OLFM1: variants seen among roughly 807,000 people sequenced by gnomAD.
OLFM1 encodes the protein olfactomedin 1, also known as noelin.
OLFM1 carries 9 observed loss-of-function variants against 49.7 expected under a neutral mutation model. The ratio of observed to expected loss-of-function variants is 0.18; its 90% CI spans 0.11 to 0.32. The LOEUF (loss-of-function observed/expected upper bound fraction) is 0.32. OLFM1 is among the 10% of genes least tolerant of loss of function. The pLI, the probability that OLFM1 is intolerant of heterozygous loss-of-function variation, is 1.00. For missense variants in OLFM1, 369 were observed against 661.8 expected (o/e 0.56, Z 4.85); for synonymous variants, 240 against 271.8 (o/e 0.88, Z 1.15).
At chr9:135,091,483 A>C in intron 2 of OLFM1, among the ~76,000 whole-genome samples, 1 of 150,958 alleles carries the variant, frequency 6.6e-6, no homozygotes, top group African/African-American at 2.4e-5. Context: ...ACACATTCAC[A>C]CATAGTCACA....
chr9:135,089,063 C>T (rs1260738987), intron 1 of OLFM1, among the ~76,000 whole-genome samples: 2 of 152,138 alleles, frequency 1.3e-5, no homozygotes, highest in South Asian at 2.1e-4. Flanking sequence ...GAGTCTCCCT[C>T]CCTCTCTCTT....
intron 2 of OLFM1, among the ~76,000 whole-genome samples, chr9:135,092,567 G>A (rs574357794): frequency 9.2e-5 from 14 of 152,238 alleles, no homozygotes; most frequent in Middle Eastern, 3.4e-3. Context: ...TGGGGGAGGC[G>A]GCACTTGGAG....
upstream of OLFM1, among the ~76,000 whole-genome samples, chr9:135,084,302 A>G (rs1564266936): frequency 1.3e-5 from 2 of 148,524 alleles, no homozygotes; most frequent in South Asian, 2.1e-4. This position sits in a 1 kb window ranked among gnomAD's most constrained non-coding sequence, Gnocchi z 4.6. Flanking sequence ...GTGTCACTCT[A>G]TCTTTCTTCT....
chr9:135,111,272 A>G (rs1831018328), intron 5 of OLFM1, among the ~76,000 whole-genome samples: 1 of 152,218 alleles, frequency 6.6e-6, no homozygotes, highest in Non-Finnish European at 1.5e-5. Flanking sequence ...CTTTTCCGGC[A>G]AAGAAACCCT....
At chr9:135,107,742 A>G (rs1020349765) in intron 5 of OLFM1, among the ~76,000 whole-genome samples, 2 of 152,186 alleles carry the variant, frequency 1.3e-5, no homozygotes, top group African/African-American at 4.8e-5. Context: ...ATAAACACTT[A>G]AAAACAAACA....
chr9:135,096,786 A>G (rs1162728303), intron 3 of OLFM1, among the ~76,000 whole-genome samples: 1 of 152,238 alleles, frequency 6.6e-6, no homozygotes, highest in Admixed American at 6.5e-5. Context: ...TAATCTAGCC[A>G]TGACAAAGCA....
intron 4 of OLFM1, among the ~76,000 whole-genome samples, chr9:135,103,372 C>A (rs1225678144): frequency 1.3e-5 from 2 of 152,230 alleles, no homozygotes. Context: ...AAAATAACTC[C>A]CTGACTCAAG....
chr9:135,082,460 A>G (rs1288494554), intron 1 of OLFM1, among the ~76,000 whole-genome samples: 2 of 152,222 alleles, frequency 1.3e-5, no homozygotes, highest in Admixed American at 1.3e-4. Context: ...CGGGGGCCTA[A>G]GAGTCAAAGA....
At chr9:135,086,209 G>A (rs1305124698), upstream of OLFM1, among the ~76,000 whole-genome samples, 2 of 152,228 alleles carry the variant, frequency 1.3e-5, no homozygotes, top group Non-Finnish European at 2.9e-5. Flanking sequence ...TGTGAGCCGG[G>A]CCTGCAGTCC....
chr9:135,112,251 C>T (rs961562637), intron 5 of OLFM1, among the ~76,000 whole-genome samples: 3 of 152,220 alleles, frequency 2.0e-5, no homozygotes, highest in African/African-American at 7.2e-5. Context: ...AGGGGCCACC[C>T]GCCCTGTGGG....
At chr9:135,114,230 C>T (rs11103679) in intron 5 of OLFM1, among the ~76,000 whole-genome samples, 2,940 of 143,434 alleles carry the variant, frequency 0.02, 128 homozygotes, top group East Asian at 0.14. Context: ...AAGTGATTCT[C>T]CTGCCTTAGC....
intron 4 of OLFM1, among the ~76,000 whole-genome samples, chr9:135,104,602 C>T (rs777412473): frequency 1.3e-4 from 20 of 152,284 alleles, no homozygotes; most frequent in South Asian, 1.2e-3. Flanking sequence ...AACAGAACCA[C>T]GGCGTGGAAA....
upstream of OLFM1, among the ~76,000 whole-genome samples, chr9:135,086,009 T>C (rs903976863): frequency 2.0e-5 from 3 of 152,224 alleles, no homozygotes; most frequent in African/African-American, 7.2e-5. Flanking sequence ...GACAGTTTTG[T>C]GGATTGGATT....
At chr9:135,116,244 G>T (rs1056575599) in intron 5 of OLFM1, among the ~76,000 whole-genome samples, 1 of 152,084 alleles carries the variant, frequency 6.6e-6, no homozygotes, top group African/African-American at 2.4e-5. Flanking sequence ...CTTTGCATGG[G>T]TGCCTTCCCA....
At chr9:135,099,558 G>C (rs566544069) in intron 4 of OLFM1, among the ~76,000 whole-genome samples, 1 of 152,276 alleles carries the variant, frequency 6.6e-6, no homozygotes, top group South Asian at 2.1e-4. Flanking sequence ...CCAAACCCTT[G>C]GTTTCCCAGG....
At chr9:135,101,916 C>A (rs1830875894) in intron 4 of OLFM1, among the ~76,000 whole-genome samples, 1 of 152,254 alleles carries the variant, frequency 6.6e-6, no homozygotes, top group Non-Finnish European at 1.5e-5. Context: ...ATATACCATC[C>A]TGGCACTCTG....
intron 5 of OLFM1, 75 bp from the exon 6 acceptor site, chr9:135,119,429 G>A: frequency 2.4e-6 from 3 of 1,263,458 alleles, no homozygotes; most frequent in Non-Finnish European, 3.3e-6. Context: ...TGGATCTTTG[G>A]AAGTGCTCAC....
rs1830642752 is a variant in OLFM1 at position 135,088,974 on chromosome 9, G to A, written c.150+835G>A. ...AGCTGAAACCGCCACCCGGAGGGCC[G>A]CGCGGGGAAGGGGCCGCTGCCGGGA... On this transcript the variant is annotated intron_variant, in intron 1 of 5. Transcript: ENST00000371793. This position sits in a 1 kb window ranked among gnomAD's most constrained non-coding sequence, Gnocchi z 4.8. Among the ~76,000 whole-genome samples the A allele has an allele frequency of 1.3e-5, 2 of 152,228 alleles. No homozygotes were observed. The highest frequency in any genetic ancestry group is 4.1e-4 in the South Asian group (2 of 4,828).
intron 3 of OLFM1, among the ~76,000 whole-genome samples, chr9:135,096,262 CCTT>C (rs1216179715): frequency 2.4e-5 from 3 of 123,106 alleles, no homozygotes; most frequent in East Asian, 2.7e-4. Context: ...TCCTCCCTCT[CCTT>C]CTTCTCCTCC....
Sources: allele counts gnomAD v4.1 joint callset (sites outside exome capture counted in the v4.1 genomes callset), GRCh38; gene constraint gnomAD v4.1.1; non-coding constraint Gnocchi (gnomAD v3.1); transcripts MANE v1.5; gene names NCBI Gene and HGNC (gene_info 2026-07-23, HGNC 2026-07-21).